Variants in ANK3 observed in about 807,000 individuals in gnomAD.
The protein encoded by ANK3 is ankyrin 3, also known as ankyrin-3.
In ANK3, 57 loss-of-function variants were observed where a neutral mutation model predicts 370.9. The observed-to-expected ratio is 0.15, with a 90% CI of 0.12 to 0.19. The LOEUF is 0.19. Ranked by LOEUF, ANK3 falls within the 10% of genes least tolerant of loss-of-function variation. The pLI is 1.00. For synonymous variants in ANK3, 1,929 were observed against 1,946.3 expected, an observed-to-expected ratio of 0.99 and a Z score of 0.23; for missense variants, 4,439 against 5,302.1, an observed-to-expected ratio of 0.84 and a Z score of 5.06.
chr10:60,498,262 C>G (rs1005070916), intron 2 of ANK3, among the ~76,000 whole-genome samples: 11 of 152,184 alleles, frequency 7.2e-5, no homozygotes, highest in African/African-American at 2.7e-4. Context: ...CAAAAACCCT[C>G]CAATTTACAG....
intron 1 of ANK3, among the ~76,000 whole-genome samples, chr10:60,711,825 G>A (rs191917648): frequency 2.0e-5 from 3 of 152,162 alleles, no homozygotes; most frequent in African/African-American, 7.2e-5. Flanking sequence ...TTTGGAAGCA[G>A]CCAGAGGAAA....
intron 1 of ANK3, among the ~76,000 whole-genome samples, chr10:60,311,092 G>C (rs1012159906): frequency 6.6e-6 from 1 of 152,178 alleles, no homozygotes; most frequent in Non-Finnish European, 1.5e-5. Flanking sequence ...AGACTTAGTG[G>C]AGAAAAACCA....
At position 60,166,840 on chromosome 10, in the gene ANK3, A is replaced by G. The variant is rs2095637907; in HGVS notation, c.2535T>C (p.Asp845=). 2 of 1,613,892 alleles carry G rather than the reference A, an allele frequency of 1.2e-6. No homozygotes were observed. Among genetic ancestry groups the G allele is most frequent in the African/African-American group, 2.7e-5 (2 of 74,944 alleles). The change falls in exon 22 of 44, where the codon GAT becomes GAC. Residue 845 remains aspartate (D), a synonymous_variant. Coordinates refer to ENST00000280772, the MANE Select transcript of ANK3 (RefSeq NM_020987.5). ...TTTTCATACCTTCATCATCAGACATATCAAGAACTTCATTCATCGTTTCTG... is the reference window on the plus strand; with the variant it reads ...TTTTCATACCTTCATCATCAGACATGTCAAGAACTTCATTCATCGTTTCTG... ...NVPETMNEVL[D]MSDDEVRKAN... is the part of the protein sequence containing the mutation.
chr10:60,208,356 G>A, intron 9 of ANK3, 123 bp from the exon 10 acceptor site: 1 of 849,560 alleles, frequency 1.2e-6, no homozygotes, highest in Non-Finnish European at 1.8e-6. Context: ...CCTTCTATTT[G>A]TAAAAGCTTT....
intron 2 of ANK3, among the ~76,000 whole-genome samples, chr10:60,613,559 C>T (rs890715924): frequency 9.2e-5 from 14 of 152,100 alleles, no homozygotes; most frequent in African/African-American, 3.1e-4. Context: ...GTGTGCCTGA[C>T]CCAGATAAAT....
At chr10:60,166,063 G>C (rs1284470387) in intron 23 of ANK3, among the ~76,000 whole-genome samples, 1 of 151,788 alleles carries the variant, frequency 6.6e-6, no homozygotes, top group Non-Finnish European at 1.5e-5. Flanking sequence ...ATAATATTTT[G>C]ATCTCTTTCA....
chr10:60,716,464 C>A (rs1478022749), intron 1 of ANK3, among the ~76,000 whole-genome samples: 1 of 152,124 alleles, frequency 6.6e-6, no homozygotes, highest in Non-Finnish European at 1.5e-5. Context: ...ATCTTCCACT[C>A]AAGTCATGGA....
intron 2 of ANK3, among the ~76,000 whole-genome samples, chr10:60,513,058 T>A (rs1400269941): frequency 1.3e-5 from 2 of 152,046 alleles, no homozygotes; most frequent in Non-Finnish European, 2.9e-5. Context: ...TTGACAGAAA[T>A]CTGAATTTGT....
At chr10:60,247,946 C>A (rs1358247368) in intron 7 of ANK3, among the ~76,000 whole-genome samples, 2 of 152,120 alleles carry the variant, frequency 1.3e-5, no homozygotes, top group Non-Finnish European at 2.9e-5. Flanking sequence ...GGATTACAGG[C>A]GTGAGCCACT....
intron 1 of ANK3, among the ~76,000 whole-genome samples, chr10:60,685,616 A>G (rs770184421): frequency 6.6e-6 from 1 of 152,244 alleles, no homozygotes; most frequent in Non-Finnish European, 1.5e-5. Flanking sequence ...CAGCTAATCT[A>G]AAAAACATTG....
intron 28 of ANK3, among the ~76,000 whole-genome samples, chr10:60,093,350 A>G (rs2089191032): frequency 6.6e-6 from 1 of 152,216 alleles, no homozygotes; most frequent in Non-Finnish European, 1.5e-5. Flanking sequence ...AAAATGGCTC[A>G]GGACTCCTTA....
intron 7 of ANK3, among the ~76,000 whole-genome samples, chr10:60,240,306 A>ATATATATTTTTTTT (rs11282162): frequency 5.0e-5 from 6 of 119,772 alleles, no homozygotes; most frequent in Non-Finnish European, 1.0e-4. Context: ...ATATATATAT[A>ATATATATTTTTTTT]TTTTTTTTTC....
intron 7 of ANK3, among the ~76,000 whole-genome samples, chr10:60,255,919 T>C (rs2097728177): frequency 6.6e-6 from 1 of 152,174 alleles, no homozygotes; most frequent in Non-Finnish European, 1.5e-5. Context: ...TTAAGAGGCC[T>C]GGACTCTGGC....
At chr10:60,158,552 T>C (rs923791121) in intron 23 of ANK3, among the ~76,000 whole-genome samples, 17 of 152,098 alleles carry the variant, frequency 1.1e-4, no homozygotes, top group African/African-American at 4.1e-4. Context: ...CAGAACGAAA[T>C]TGTCACCAGT....
At chr10:60,529,308 T>C (rs918218077) in intron 2 of ANK3, among the ~76,000 whole-genome samples, 1 of 152,118 alleles carries the variant, frequency 6.6e-6, no homozygotes, top group African/African-American at 2.4e-5. Context: ...CTCTGAAACA[T>C]TGGATCACAA....
intron 38 of ANK3, among the ~76,000 whole-genome samples, chr10:60,065,291 CT>C (rs1311980268): frequency 3.3e-5 from 5 of 152,232 alleles, no homozygotes; most frequent in Non-Finnish European, 7.4e-5. Context: ...AAGAGGGAAA[CT>C]TAGGAGTCAG....
In ANK3 at chr10:60,181,312, A is replaced by T. The variant is rs186530261; in HGVS notation, c.2184+17T>A. On this transcript the variant is annotated intron_variant, in intron 18 of 43. Coordinates refer to ENST00000280772, the MANE Select transcript of ANK3 (RefSeq NM_020987.5). ...ATGGACACATTCTTTTCCGTGTGGC[A>T]AGGGAGGGCCGTATACCTTTGTCTG... The T allele has an allele frequency of 4.0e-5, 64 of 1,610,900 alleles. No homozygotes were observed. In the Admixed American group the frequency reaches 7.3e-4, roughly 18 times the overall value.
intron 1 of ANK3, among the ~76,000 whole-genome samples, chr10:60,637,053 A>T (rs571414207): frequency 6.6e-6 from 1 of 152,342 alleles, no homozygotes; most frequent in Admixed American, 6.5e-5. Flanking sequence ...TGCCAGCTAA[A>T]CCATGGAGTG....
intron 25 of ANK3, among the ~76,000 whole-genome samples, chr10:60,130,121 G>C (rs1240494354): frequency 6.6e-6 from 1 of 152,162 alleles, no homozygotes; most frequent in Non-Finnish European, 1.5e-5. Context: ...TAACAAAACA[G>C]TCTACTGTTG....
Sources: allele counts gnomAD v4.1 joint callset (sites outside exome capture counted in the v4.1 genomes callset), GRCh38; gene constraint gnomAD v4.1.1; transcripts MANE v1.5; gene names NCBI Gene and HGNC (gene_info 2026-07-23, HGNC 2026-07-21).